Variants in TXK observed in about 807,000 individuals in gnomAD.
The protein encoded by TXK is tyrosine-protein kinase TXK.
In TXK, 60 loss-of-function variants were observed where a neutral mutation model predicts 81.0. The observed-to-expected ratio is 0.74, with a 90% confidence interval of 0.60 to 0.92. TXK has a LOEUF of 0.92. TXK is among the 40% of genes least tolerant of loss of function. TXK has a pLI of 0.00. For synonymous variants in TXK, 203 were observed against 210.7 expected, an observed-to-expected ratio of 0.96 and a Z score of 0.32; for missense variants, 581 against 638.3, an observed-to-expected ratio of 0.91 and a Z score of 0.97.
chr4:48,108,938 C>T (rs1424719517), intron 5 of TXK, among the ~76,000 whole-genome samples: 1 of 152,166 alleles, frequency 6.6e-6, no homozygotes, highest in African/African-American at 2.4e-5. Flanking sequence ...CACTAACCAC[C>T]AGGCACTGTG....
chr4:48,101,128 T>C lies in TXK; in HGVS notation c.501+3773A>G, dbSNP rs548871751. ...CAAAATCTTTCGATTTTGAACCACG[T>C]GAACATACTCACTATTGAAATATGA... On this transcript the variant is annotated intron_variant, in intron 6 of 14. Coordinates refer to ENST00000264316, the MANE Select transcript of TXK (RefSeq NM_003328.3). Among the ~76,000 whole-genome samples the C allele has an allele frequency of 2.0e-5, 3 of 152,136 alleles. No individual in the cohort carries two copies. In the South Asian group the frequency reaches 6.2e-4, roughly 32 times the overall value.
chr4:48,111,095 G>A (rs982447323), intron 4 of TXK, among the ~76,000 whole-genome samples: 5 of 152,150 alleles, frequency 3.3e-5, no homozygotes, highest in Non-Finnish European at 5.9e-5. Flanking sequence ...GCTAAGTCAC[G>A]GGATATGTAC....
At chr4:48,089,922 A>G (rs1717694746) in intron 8 of TXK, 98 bp from the exon 9 acceptor site, 5 of 840,722 alleles carry the variant, frequency 5.9e-6, no homozygotes. Context: ...AAATAATTAG[A>G]CAAACAAAAT....
intron 14 of TXK, 108 bp downstream of exon 14, chr4:48,071,409 G>A (rs1716848502): frequency 6.4e-6 from 7 of 1,099,276 alleles, no homozygotes; most frequent in South Asian, 3.1e-5. Context: ...CCAAGACACA[G>A]ATGCCTTTTC....
chr4:48,068,667 A>AG (rs1355868244), intron 14 of TXK, among the ~76,000 whole-genome samples: 1 of 152,144 alleles, frequency 6.6e-6, no homozygotes, highest in African/African-American at 2.4e-5. Flanking sequence ...TACTTCACTT[A>AG]GGGGTGTGGT....
At chr4:48,126,567 C>G (rs1719096256) in intron 1 of TXK, among the ~76,000 whole-genome samples, 1 of 152,190 alleles carries the variant, frequency 6.6e-6, no homozygotes, top group South Asian at 2.1e-4. Flanking sequence ...GTGGCATGAT[C>G]TCGGCTCACT....
chr4:48,072,160 C>T (rs764159859), intron 13 of TXK, among the ~76,000 whole-genome samples: 7 of 152,034 alleles, frequency 4.6e-5, no homozygotes, highest in African/African-American at 7.2e-5. Context: ...CCCACCACCA[C>T]GCCCAACTAA....
rs184246356 is a variant in TXK at position 48,096,580 on chromosome 4, G to A, written c.502-1358C>T. On this transcript the variant is annotated intron_variant, in intron 6 of 14. Transcript: ENST00000264316. ...TCGTCACCCAGGCTAGAGTGCAATG[G>A]CATGATCTCGGCTCACTGCAACCTC... 2.6e-5 allele frequency among the ~76,000 whole-genome samples: 4 copies of A among 152,226 alleles called. No individual in the cohort carries two copies. The East Asian group carries it at 5.8e-4, about 22-fold the overall frequency.
rs148655937 is a variant in TXK at position 48,112,286 on chromosome 4, T to G, written c.380+21A>C. On this transcript the variant is annotated intron_variant, in intron 4 of 14. Coordinates refer to ENST00000264316, the MANE Select transcript of TXK (RefSeq NM_003328.3). ...TGTGTTGGAAGAATTGGATACTGAC[T>G]AAGTCATGTAAGTGTCTTACCCCAA... The G allele has an allele frequency of 2.5e-5, 41 of 1,608,554 alleles. No homozygotes were observed. The African/African-American group carries it at 5.3e-4, about 21-fold the overall frequency.
At chr4:48,081,591 C>T (rs368248160) in intron 10 of TXK, among the ~76,000 whole-genome samples, 15 of 152,142 alleles carry the variant, frequency 9.9e-5, no homozygotes, top group African/African-American at 3.6e-4. Flanking sequence ...CCTTTGCAGG[C>T]TTCTCCAGTT....
chr4:48,123,190 T>C (rs757797060), intron 1 of TXK, among the ~76,000 whole-genome samples: 3 of 152,200 alleles, frequency 2.0e-5, no homozygotes, highest in African/African-American at 4.8e-5. Context: ...AAAACTTATA[T>C]AAAGAAAAGG....
At chr4:48,097,476 T>C (rs1718026911) in intron 6 of TXK, among the ~76,000 whole-genome samples, 1 of 148,966 alleles carries the variant, frequency 6.7e-6, no homozygotes, top group South Asian at 2.1e-4. Context: ...TGGAGTGCGG[T>C]GGCGCCATCT....
At chr4:48,095,491 C>A (rs1394904263) in intron 6 of TXK, among the ~76,000 whole-genome samples, 1 of 152,082 alleles carries the variant, frequency 6.6e-6, no homozygotes, top group African/African-American at 2.4e-5. Context: ...AAGAAAAATT[C>A]TCTATTTGAA....
Position 48,112,285 on chromosome 4 carries a change from C to G in TXK, c.380+22G>C, listed in dbSNP as rs1437769246. The stretch of plus-strand genomic sequence containing the variant: ...TTGTGTTGGAAGAATTGGATACTGA[C>G]TAAGTCATGTAAGTGTCTTACCCCA... On this transcript the variant is annotated intron_variant, in intron 4 of 14. Coordinates refer to ENST00000264316, the MANE Select transcript of TXK (RefSeq NM_003328.3). 7 of 1,608,410 alleles carry G rather than the reference C, an allele frequency of 4.4e-6. No individual in the cohort carries two copies. In the South Asian group the frequency reaches 7.7e-5, roughly 18 times the overall value.
chr4:48,070,923 G>A (rs544783250), intron 14 of TXK, among the ~76,000 whole-genome samples: 9 of 131,252 alleles, frequency 6.9e-5, no homozygotes, highest in Admixed American at 1.6e-4. Context: ...TTTTGAGATG[G>A]AGTCTCACTC....
chr4:48,114,334 G>A lies in TXK; in HGVS notation c.71+14C>T, dbSNP rs201705495. The A allele has an allele frequency of 4.2e-5, 67 of 1,613,456 alleles. 1 individual carries two copies. The highest frequency in any genetic ancestry group is 4.9e-5 in the Non-Finnish European group (58 of 1,179,638). On this transcript the variant is annotated intron_variant, in intron 2 of 14. Transcript: ENST00000264316. ...AATTAATTTTCAAGAAATTGCCCTC[G>A]GAAGTAGACTTACCGCTTCTGCACT...
chr4:48,094,620 C>G (rs1356725330), intron 7 of TXK, among the ~76,000 whole-genome samples: 1 of 152,180 alleles, frequency 6.6e-6, no homozygotes, highest in Non-Finnish European at 1.5e-5. Flanking sequence ...GGGCTCAATA[C>G]TTGTAGGAAC....
chr4:48,074,424 A>G, intron 12 of TXK, among the ~76,000 whole-genome samples: 1 of 152,186 alleles, frequency 6.6e-6, no homozygotes, highest in Non-Finnish European at 1.5e-5. Flanking sequence ...GAAAACAAAG[A>G]CCACTCTTCT....
At chr4:48,090,169 A>G (rs1242981462) in intron 8 of TXK, among the ~76,000 whole-genome samples, 2 of 152,236 alleles carry the variant, frequency 1.3e-5, no homozygotes, top group Non-Finnish European at 2.9e-5. Context: ...GCAGAAATAT[A>G]AATATTTTGT....
Sources: allele counts gnomAD v4.1 joint callset (sites outside exome capture counted in the v4.1 genomes callset), GRCh38; gene constraint gnomAD v4.1.1; transcripts MANE v1.5; gene names NCBI Gene and HGNC (gene_info 2026-07-23, HGNC 2026-07-21).